Variants in SEMA6A observed in about 807,000 individuals in gnomAD.
SEMA6A encodes semaphorin-6A.
A neutral mutation model predicts 96.8 loss-of-function variants in SEMA6A; 25 were observed. That is an observed-to-expected ratio of 0.26 (90% confidence interval 0.19 to 0.36). The LOEUF (loss-of-function observed/expected upper bound fraction) is 0.36, where lower values mean the gene tolerates loss of function less well. Ranked by LOEUF, SEMA6A falls within the 10% of genes least tolerant of loss-of-function variation. The pLI is 1.00. For synonymous variants in SEMA6A, 612 were observed against 518.0 expected, an observed-to-expected ratio of 1.18 and a Z score of -2.46; for missense variants, 1,363 against 1,323.1, an observed-to-expected ratio of 1.03 and a Z score of -0.47.
At chr5:116,552,653 C>A in intron 1 of SEMA6A, among the ~76,000 whole-genome samples, 1 of 152,140 alleles carries the variant, frequency 6.6e-6, no homozygotes, top group East Asian at 1.9e-4. Context: ...CAGGCCACAT[C>A]CTCTGTACTG....
At chr5:116,469,953 G>A (rs1296070364) in intron 17 of SEMA6A, among the ~76,000 whole-genome samples, 5 of 152,070 alleles carry the variant, frequency 3.3e-5, no homozygotes, top group African/African-American at 7.2e-5. Context: ...ACCACATCTC[G>A]ATTTTCTATA....
rs532993640 is a variant in SEMA6A, at chr5:116,505,020, G to C, written c.-38-38C>G. 4.2e-5 allele frequency: 43 copies of C among 1,026,964 alleles called. 1 individual carries two copies. The African/African-American group carries it at 6.6e-4, about 16-fold the overall frequency. 63.6% of individuals were successfully genotyped at this position (1,026,964 alleles called of 1,614,324 possible). A position where few individuals can be genotyped will look rare whatever the true frequency, so the allele number is the denominator to read the frequency against. On this transcript the variant is annotated intron_variant, in intron 1 of 18. Coordinates refer to ENST00000343348, the MANE Select transcript of SEMA6A (RefSeq NM_020796.5). ...AAAGAACAGATTTTTTTCCAAGTCA[G>C]CTTTGTTCAATGCCATAAAATGAAA...
At chr5:116,537,007 A>G (rs1310262820) in intron 1 of SEMA6A, among the ~76,000 whole-genome samples, 1 of 152,180 alleles carries the variant, frequency 6.6e-6, no homozygotes, top group Non-Finnish European at 1.5e-5. Context: ...CATGTGTGAA[A>G]AAAAGAATAG....
chr5:116,556,775 G>A (rs1290115369), intron 1 of SEMA6A, among the ~76,000 whole-genome samples: 1 of 152,152 alleles, frequency 6.6e-6, no homozygotes, highest in East Asian at 1.9e-4. Context: ...CTGAGTTTCA[G>A]AACTTTGGAA....
At position 116,558,312 on chromosome 5, in the gene SEMA6A, T is replaced by A. The variant is rs190116544; in HGVS notation, c.-39+15873A>T. On this transcript the variant is annotated intron_variant, in intron 1 of 18. Transcript: ENST00000343348. Reference sequence around the variant, plus strand: ...TTTTAATTTTTACTTTTACTTTAAGTCTTGGGATACATGTGCTGAATGTGC... The same window carrying A: ...TTTTAATTTTTACTTTTACTTTAAGACTTGGGATACATGTGCTGAATGTGC... Among the ~76,000 whole-genome samples the A allele has an allele frequency of 4.5e-4, 68 of 152,344 alleles. No homozygotes were observed. The East Asian group carries it at 9.2e-3, about 21-fold the overall frequency.
intron 1 of SEMA6A, among the ~76,000 whole-genome samples, chr5:116,571,239 T>C (rs1761200441): frequency 6.6e-6 from 1 of 152,228 alleles, no homozygotes; most frequent in African/African-American, 2.4e-5. Flanking sequence ...TATAAAATTT[T>C]TACCTATTTA....
In SEMA6A at chr5:116,448,208, C is replaced by T. The variant is rs113848021; in HGVS notation, c.1895-397G>A. Among the ~76,000 whole-genome samples, 9 of 142,220 alleles carry T rather than the reference C, an allele frequency of 6.3e-5. 1 individual carries two copies. Among genetic ancestry groups the T allele is most frequent in the African/African-American group, 2.4e-4 (9 of 37,422 alleles). The allele number at this position is 142,220 out of a possible 152,430, so 93.3% of individuals were successfully genotyped here. On this transcript the variant is annotated intron_variant, in intron 18 of 18. Coordinates refer to ENST00000343348, the MANE Select transcript of SEMA6A (RefSeq NM_020796.5). ...AAAAAAAAAAAAAATTAGCCAGGCG[C>T]GGTGGCGGGGGCTTGTGATCCTAGG... is the stretch of plus-strand genomic sequence containing the variant.
At chr5:116,479,494 G>A (rs909411555) in intron 12 of SEMA6A, among the ~76,000 whole-genome samples, 1 of 152,188 alleles carries the variant, frequency 6.6e-6, no homozygotes, top group Non-Finnish European at 1.5e-5. Context: ...AAAAATAGTG[G>A]TAAAGTTAAT....
At chr5:116,487,121 A>C in intron 9 of SEMA6A, 155 bp from the exon 10 acceptor site, 1 of 609,984 alleles carries the variant, frequency 1.6e-6, no homozygotes, top group Non-Finnish European at 2.9e-6. Context: ...AGAAAAGAAA[A>C]AAAGAGGAAA....
At chr5:116,496,035 G>A (rs1026725202) in intron 5 of SEMA6A, 3 of 492,100 alleles carry the variant, frequency 6.1e-6, no homozygotes, top group African/African-American at 5.9e-5. Context: ...CGCCTAAGTA[G>A]TTCATGATGC....
Position 116,447,599 on chromosome 5 carries a change from T to G in SEMA6A, c.2107A>C (p.Thr703Pro). Residue 703 changes from threonine to proline, a missense_variant, in exon 19 of 19, where the codon ACC becomes CCC. Transcript: ENST00000343348. ...HSRRGSMSSV[T>P]KLSGLFGDTQ... ...TCCCCAAAGAGGCCGCTGAGCTTGG[T>G]GACGCTGCTCATGGAGCCCCGGCGC... The G allele has an allele frequency of 6.2e-7, 1 of 1,614,012 alleles. No individual in the cohort carries two copies. The highest frequency in any genetic ancestry group is 8.5e-7 in the Non-Finnish European group (1 of 1,179,882).
chr5:116,497,304 AAT>A (rs1757648937), intron 4 of SEMA6A, 21 bp downstream of exon 4: 2 of 1,459,104 alleles, frequency 1.4e-6, no homozygotes, highest in African/African-American at 1.4e-5. Flanking sequence ...TCATTTTACA[AAT>A]ATAGTTTTAA....
intron 1 of SEMA6A, among the ~76,000 whole-genome samples, chr5:116,520,703 T>C (rs981915173): frequency 1.3e-5 from 2 of 152,104 alleles, no homozygotes; most frequent in African/African-American, 4.8e-5. Flanking sequence ...CTAGCCTACC[T>C]AAGGGGATGG....
chr5:116,467,941 T>C (rs10039423), intron 17 of SEMA6A, 194 bp from the exon 18 acceptor site: 18 of 588,356 alleles, frequency 3.1e-5, no homozygotes, highest in African/African-American at 1.5e-4. Flanking sequence ...AGAAAGCCCA[T>C]TGAACTTGTA....
chr5:116,477,349 A>G lies in SEMA6A; in HGVS notation c.1649+497T>C, dbSNP rs114131772. Among the ~76,000 whole-genome samples, 421 of 152,326 alleles carry G rather than the reference A, an allele frequency of 2.8e-3. 1 individual carries two copies. The highest frequency in any genetic ancestry group is 0.01 in the Middle Eastern group (3 of 294). On this transcript the variant is annotated intron_variant, in intron 15 of 18. Coordinates refer to ENST00000343348, the MANE Select transcript of SEMA6A (RefSeq NM_020796.5). ...GACGGCCTGATGAGTAATAGGGTCA[A>G]CTGTTCTTCAGCGCAGGAAAAGGTT...
At chr5:116,526,241 C>T (rs1009182366) in intron 1 of SEMA6A, among the ~76,000 whole-genome samples, 6 of 152,094 alleles carry the variant, frequency 3.9e-5, no homozygotes, top group Non-Finnish European at 7.4e-5. Flanking sequence ...CTTTTCTATC[C>T]TTTCCCTTTT....
chr5:116,536,554 G>C (rs530259333), intron 1 of SEMA6A: 18 of 152,262 alleles, frequency 1.2e-4, no homozygotes, highest in African/African-American at 4.1e-4. Flanking sequence ...CTAAGTGCCA[G>C]CATGTTGGGA....
At chr5:116,456,465 ACAAT>A (rs1357525956) in intron 18 of SEMA6A, among the ~76,000 whole-genome samples, 2 of 152,250 alleles carry the variant, frequency 1.3e-5, no homozygotes, top group South Asian at 4.1e-4. Flanking sequence ...TATTGGAAAG[ACAAT>A]CAAATTCCTA....
intron 1 of SEMA6A, among the ~76,000 whole-genome samples, chr5:116,537,737 A>G (rs1404886081): frequency 6.6e-6 from 1 of 152,160 alleles, no homozygotes; most frequent in Non-Finnish European, 1.5e-5. Context: ...AAATTTCAAT[A>G]CATTTAGAAA....
Sources: allele counts gnomAD v4.1 joint callset (sites outside exome capture counted in the v4.1 genomes callset), GRCh38; gene constraint gnomAD v4.1.1; transcripts MANE v1.5; gene names NCBI Gene and HGNC (gene_info 2026-07-23, HGNC 2026-07-21).